ANKRD36B: variants seen among roughly 807,000 people sequenced by gnomAD.
ANKRD36B encodes ankyrin repeat domain-containing protein 36B.
Under a neutral mutation model 135.7 loss-of-function variants are expected in ANKRD36B, and 37 were observed. That is an observed-to-expected ratio of 0.27 (90% CI 0.21 to 0.36). The LOEUF is 0.36. ANKRD36B is among the 10% of genes least tolerant of loss of function. The pLI, the probability that ANKRD36B is intolerant of heterozygous loss-of-function variation, is 1.00. For missense variants in ANKRD36B, 549 were observed against 1,037.1 expected (o/e 0.53, Z 6.46); for synonymous variants, 179 against 348.1 (o/e 0.51, Z 5.41).
intron 6 of ANKRD36B, among the ~76,000 whole-genome samples, chr2:97,566,848 T>C (rs973877845): frequency 3.7e-4 from 56 of 152,248 alleles, no homozygotes; most frequent in African/African-American, 1.3e-3. Context: ...ACCAAATATG[T>C]ATTTTTCCCC....
At position 97,534,135 on chromosome 2, in the gene ANKRD36B, C is replaced by T. The variant is rs1186728987; in HGVS notation, c.2192-1751G>A. ...AATGAAAAAATTAAATTTCCACAGACATTAATAACATTTTATACTTCAAAA... is the reference window on the plus strand; with the variant it reads ...AATGAAAAAATTAAATTTCCACAGATATTAATAACATTTTATACTTCAAAA... On this transcript the variant is annotated intron_variant, in intron 34 of 43. Transcript: ENST00000359901. Among the ~76,000 whole-genome samples, 2 of 94,034 alleles carry T rather than the reference C, an allele frequency of 2.1e-5. 1 individual carries two copies. The highest frequency in any genetic ancestry group is 5.6e-5 in the Non-Finnish European group (2 of 35,556). 61.7% of individuals were successfully genotyped at this position (94,034 alleles called of 152,430 possible).
At position 97,513,134 on chromosome 2, in the gene ANKRD36B, TATTA is replaced by T. The variant is rs1371075471; in HGVS notation, c.2805+42_2805+45del. The T allele has an allele frequency of 4.2e-6, 6 of 1,439,662 alleles. No homozygotes were observed. In the East Asian group the frequency reaches 1.3e-4, roughly 30 times the overall value. The allele number at this position is 1,439,662 out of a possible 1,614,324, so 89.2% of individuals were successfully genotyped here. On this transcript the variant is annotated intron_variant, in intron 38 of 43. Transcript: ENST00000359901. ...TAAATGAAAGAGATGGTATAAGTAA[TATTA>T]ATAAGAGTAGAAATATGAAGTTTTA...
intron 16 of ANKRD36B, among the ~76,000 whole-genome samples, chr2:97,552,449 C>T (rs10209395): frequency 0.56 from 84,505 of 151,710 alleles, 25,176 homozygotes; most frequent in Non-Finnish European, 0.67. Flanking sequence ...TATCTCATTT[C>T]TATAACTAAA....
intron 20 of ANKRD36B, among the ~76,000 whole-genome samples, chr2:97,548,199 T>C (rs2079679293): frequency 6.6e-6 from 1 of 151,822 alleles, no homozygotes; most frequent in South Asian, 2.1e-4. Context: ...ACAATTGCAA[T>C]GATACTTCAG....
At position 97,496,837 on chromosome 2, in the gene ANKRD36B, A is replaced by G. The variant is rs1167592521; in HGVS notation, c.*7-3982T>C. ...TGTGTATGTATATATGTGTGTGTATATATATATATATATATATATATATCT... is the reference window on the plus strand; with the variant it reads ...TGTGTATGTATATATGTGTGTGTATGTATATATATATATATATATATATCT... On this transcript the variant is annotated intron_variant, in intron 43 of 43. Coordinates refer to ENST00000359901, the MANE Select transcript of ANKRD36B (RefSeq NM_001393939.1). Among the ~76,000 whole-genome samples the G allele has an allele frequency of 3.6e-4, 24 of 66,698 alleles. 3 individuals are homozygous for G. Among genetic ancestry groups the G allele is most frequent in the African/African-American group, 9.0e-4 (12 of 13,378 alleles). The allele number at this position is 66,698 out of a possible 152,430, so 43.8% of individuals were successfully genotyped here.
Position 97,589,461 on chromosome 2 carries a change from C to T in ANKRD36B, c.161+64G>A. ...CATCCGCCCCGCAGCCCTCAGCCTG[C>T]AAAGGGGTACTTCTCCACATCCACA... On this transcript the variant is annotated intron_variant, in intron 1 of 43. Transcript: ENST00000359901. The T allele has an allele frequency of 2.2e-6, 3 of 1,371,020 alleles. No individual in the cohort carries two copies. In the South Asian group the frequency reaches 3.7e-5, roughly 17 times the overall value. 84.9% of individuals were successfully genotyped at this position (1,371,020 alleles called of 1,614,324 possible).
At chr2:97,567,483 G>A (rs1382702186) in intron 6 of ANKRD36B, among the ~76,000 whole-genome samples, 3 of 152,044 alleles carry the variant, frequency 2.0e-5, no homozygotes, top group Non-Finnish European at 4.4e-5. Context: ...CCTGTCATAA[G>A]TCAATCATTA....
At position 97,549,444 on chromosome 2, in the gene ANKRD36B, T is replaced by C. The variant is rs201372645; in HGVS notation, c.1452A>G (p.Lys484=). 6.3e-7 allele frequency: 1 copy of C among 1,580,238 alleles called. No homozygotes were observed. Residue 484 remains lysine (K), a synonymous_variant, in exon 20 of 44, where the codon AAA becomes AAG. Coordinates refer to ENST00000359901, the MANE Select transcript of ANKRD36B (RefSeq NM_001393939.1). ...CTGTCCTAGATTTTTCTCCATCCTT[T>C]TTTTCTCTGGCTATATTCAAAACAG... ...EDSVLNIARE[K]KDGEKSRTVS...
chr2:97,587,724 T>C (rs2083119261), intron 1 of ANKRD36B, among the ~76,000 whole-genome samples: 1 of 152,174 alleles, frequency 6.6e-6, no homozygotes, highest in South Asian at 2.1e-4. Context: ...TACCAACAAA[T>C]TGTCTATTTG....
At chr2:97,549,396 A>G in intron 20 of ANKRD36B, 23 bp downstream of exon 20, 4 of 1,544,690 alleles carry the variant, frequency 2.6e-6, no homozygotes. Context: ...TGAACATGAC[A>G]TTAAATCTGT....
intron 6 of ANKRD36B, among the ~76,000 whole-genome samples, chr2:97,575,942 G>T (rs1269987557): frequency 1.3e-5 from 2 of 151,498 alleles, no homozygotes; most frequent in Non-Finnish European, 2.9e-5. Flanking sequence ...ATTTTCAACA[G>T]CATGGGGATT....
chr2:97,575,785 G>T (rs2082192539), intron 6 of ANKRD36B, among the ~76,000 whole-genome samples: 1 of 151,924 alleles, frequency 6.6e-6, no homozygotes, highest in African/African-American at 2.4e-5. Flanking sequence ...CCGTGGATGG[G>T]TGAACACCTT....
chr2:97,528,239 A>G (rs1436915181), intron 35 of ANKRD36B, among the ~76,000 whole-genome samples: 1 of 96,378 alleles, frequency 1.0e-5, no homozygotes, highest in African/African-American at 3.1e-5. Flanking sequence ...AGAACTCAGG[A>G]TTAAGAAACT....
In ANKRD36B at chr2:97,530,805, A is replaced by G. The variant is rs1354461766; in HGVS notation, c.2265+1506T>C. ...ATGCAGCCAAAAAACACATGAAAAA[A>G]TGCTCATCATCACTGGCCATCAGAG... On this transcript the variant is annotated intron_variant, in intron 35 of 43. Coordinates refer to ENST00000359901, the MANE Select transcript of ANKRD36B (RefSeq NM_001393939.1). Among the ~76,000 whole-genome samples the G allele has an allele frequency of 2.8e-4, 28 of 98,342 alleles. 10 individuals are homozygous for G. The highest frequency in any genetic ancestry group is 6.5e-4 in the Non-Finnish European group (24 of 36,754). 64.5% of individuals were successfully genotyped at this position (98,342 alleles called of 152,430 possible). A position where few individuals can be genotyped will look rare whatever the true frequency, so the allele number is the denominator to read the frequency against.
In ANKRD36B at chr2:97,549,673, C is replaced by T. The variant is rs1393256508; in HGVS notation, c.1376-59G>A. ...TGTAAATATGACAAAGATATCCACA[C>T]ATTCATGCAGTGTTAGCATCAAACT... On this transcript the variant is annotated intron_variant, in intron 18 of 43. Coordinates refer to ENST00000359901, the MANE Select transcript of ANKRD36B (RefSeq NM_001393939.1). 2.9e-5 allele frequency: 47 copies of T among 1,602,596 alleles called. No homozygotes were observed. In the Admixed American group the frequency reaches 3.0e-4, roughly 10 times the overall value.
At chr2:97,558,241 G>C (rs1205449089) in intron 10 of ANKRD36B, among the ~76,000 whole-genome samples, 1 of 152,002 alleles carries the variant, frequency 6.6e-6, no homozygotes, top group Non-Finnish European at 1.5e-5. Flanking sequence ...CAAAATCAAA[G>C]CTTCTTTTAC....
At chr2:97,569,713 G>A (rs1228881390) in intron 6 of ANKRD36B, among the ~76,000 whole-genome samples, 2 of 152,008 alleles carry the variant, frequency 1.3e-5, no homozygotes, top group East Asian at 3.9e-4. Flanking sequence ...ATATTAAACT[G>A]CTCTTAAAAT....
In ANKRD36B at chr2:97,539,215, T is replaced by C. The variant is rs1400742416; in HGVS notation, c.1987+819A>G. ...ATTCAAATTAATTTTGTTTCTAAAA[T>C]AGTCTGGTTTGAAGTATCATGTTAC... On this transcript the variant is annotated intron_variant, in intron 30 of 43. Coordinates refer to ENST00000359901, the MANE Select transcript of ANKRD36B (RefSeq NM_001393939.1). 4.1e-5 allele frequency among the ~76,000 whole-genome samples: 4 copies of C among 97,636 alleles called. 1 individual carries two copies. The highest frequency in any genetic ancestry group is 1.2e-4 in the African/African-American group (4 of 32,710). 64.1% of individuals were successfully genotyped at this position (97,636 alleles called of 152,430 possible). A position where few individuals can be genotyped will look rare whatever the true frequency, so the allele number is the denominator to read the frequency against.
At chr2:97,547,869 G>C (rs879700441) in intron 20 of ANKRD36B, 138 bp from the exon 21 acceptor site, 57 of 1,322,746 alleles carry the variant, frequency 4.3e-5, no homozygotes, top group African/African-American at 1.5e-4. Context: ...TTTGTGTCTG[G>C]GGACTAGAAC....
Sources: allele counts gnomAD v4.1 joint callset (sites outside exome capture counted in the v4.1 genomes callset), GRCh38; gene constraint gnomAD v4.1.1; transcripts MANE v1.5; gene names NCBI Gene and HGNC (gene_info 2026-07-23, HGNC 2026-07-21).